The following TSTD2 variants were observed in gnomAD, a reference collection of about 807,000 sequenced individuals.
TSTD2 encodes the protein thiosulfate sulfurtransferase/rhodanese-like domain-containing protein 2.
In TSTD2, 37 loss-of-function variants were observed where a neutral mutation model predicts 47.9. The ratio of observed to expected loss-of-function variants is 0.77; its 90% CI spans 0.59 to 1.02. TSTD2 has a LOEUF of 1.02. Ranked by LOEUF, TSTD2 falls within the 50% of genes least tolerant of loss-of-function variation. The pLI, the probability that TSTD2 is intolerant of heterozygous loss-of-function variation, is 0.00. For missense variants in TSTD2, 586 were observed against 616.0 expected, an observed-to-expected ratio of 0.95 and a Z score of 0.52; for synonymous variants, 201 against 215.9, an observed-to-expected ratio of 0.93 and a Z score of 0.61.
chr9:97,610,464 A>C lies in TSTD2; in HGVS notation c.730-13T>G. On this transcript the variant is annotated splice_polypyrimidine_tract_variant and intron_variant, in intron 5 of 9. Transcript: ENST00000341170. The stretch of plus-strand genomic sequence containing the variant: ...CTCCTTTGCTGGTCTAGCCAATGAG[A>C]AACAAAACAGAATACAGTCTTGCTG... The C allele has an allele frequency of 6.5e-7, 1 of 1,535,330 alleles. No individual in the cohort carries two copies. The highest frequency in any genetic ancestry group is 8.8e-7 in the Non-Finnish European group (1 of 1,142,730).
intron 3 of TSTD2, among the ~76,000 whole-genome samples, chr9:97,623,637 TC>T (rs1826673959): frequency 6.6e-6 from 1 of 152,200 alleles, no homozygotes; most frequent in Non-Finnish European, 1.5e-5. Flanking sequence ...GGTGAGCAGA[TC>T]ACCTGAGGTC....
intron 4 of TSTD2, among the ~76,000 whole-genome samples, chr9:97,613,507 T>TAAA (rs1375229205): frequency 1.3e-5 from 2 of 152,094 alleles, no homozygotes; most frequent in East Asian, 3.9e-4. Context: ...GAGCCTGGGG[T>TAAA]AAAGCCCCAG....
Position 97,600,786 on chromosome 9 carries a change from TGTA to T in TSTD2, c.*1680_*1682del, listed in dbSNP as rs1390264299. The T allele has an allele frequency of 9.8e-7, 1 of 1,019,694 alleles. No homozygotes were observed. Among genetic ancestry groups the T allele is most frequent in the Non-Finnish European group, 1.2e-6 (1 of 849,924 alleles). 63.2% of individuals were successfully genotyped at this position (1,019,694 alleles called of 1,614,324 possible). On this transcript the variant is annotated 3_prime_UTR_variant, in exon 10 of 10. Coordinates refer to ENST00000341170, the MANE Select transcript of TSTD2 (RefSeq NM_139246.5). ...CCACCCCAAGATGATTACACTGAAATGTAGTATTAGTACTGCTGCCAGATCTCT... is the reference window on the plus strand; with the variant it reads ...CCACCCCAAGATGATTACACTGAAATGTATTAGTACTGCTGCCAGATCTCT...
rs1329883654 is a variant in TSTD2, at chr9:97,610,339, A to G, written c.835+7T>C. The stretch of plus-strand genomic sequence containing the variant: ...ATTAAAGCACAATCTTCTAAAAGCA[A>G]GCATACCAGGCTTCTTGTAGGAGAT... On this transcript the variant is annotated splice_region_variant and intron_variant, in intron 6 of 9. Transcript: ENST00000341170. 6.2e-7 allele frequency: 1 copy of G among 1,602,450 alleles called. No homozygotes were observed. Among genetic ancestry groups the G allele is most frequent in the Non-Finnish European group, 8.5e-7 (1 of 1,175,114 alleles).
At chr9:97,611,979 C>T (rs1022728198) in intron 4 of TSTD2, among the ~76,000 whole-genome samples, 1 of 152,018 alleles carries the variant, frequency 6.6e-6, no homozygotes, top group Admixed American at 6.5e-5. Flanking sequence ...AAGCTTAGTA[C>T]CCCTTAGTTA....
chr9:97,617,978 G>A, intron 3 of TSTD2, 101 bp from the exon 4 acceptor site: 1 of 1,453,878 alleles, frequency 6.9e-7, no homozygotes, highest in Non-Finnish European at 9.2e-7. Context: ...AGGCTAAGAT[G>A]AGGACACTCA....
Position 97,600,698 on chromosome 9 carries a change from G to A in TSTD2, c.*1771C>T, listed in dbSNP as rs772097561. On this transcript the variant is annotated 3_prime_UTR_variant, in exon 10 of 10. Coordinates refer to ENST00000341170, the MANE Select transcript of TSTD2 (RefSeq NM_139246.5). ...CCTTACGCCTGTATATTAAGCCTCC[G>A]CAGGATGCCGGACAATGGTGAAGAA... is the stretch of plus-strand genomic sequence containing the variant. The A allele has an allele frequency of 8.0e-5, 80 of 1,002,046 alleles. No homozygotes were observed. Among genetic ancestry groups the A allele is most frequent in the East Asian group, 2.2e-4 (2 of 9,178 alleles). The allele number at this position is 1,002,046 out of a possible 1,614,324, so 62.1% of individuals were successfully genotyped here.
intron 3 of TSTD2, among the ~76,000 whole-genome samples, chr9:97,621,710 T>C (rs1826639973): frequency 6.6e-6 from 1 of 152,194 alleles, no homozygotes; most frequent in African/African-American, 2.4e-5. Flanking sequence ...CGAATTCTAG[T>C]CAGACTGGTT....
chr9:97,611,835 A>G (rs762611569), intron 4 of TSTD2, 136 bp from the exon 5 acceptor site: 2 of 826,888 alleles, frequency 2.4e-6, no homozygotes, highest in South Asian at 2.1e-5. Context: ...CCAAAGTGTT[A>G]CTGGACAAAG....
Position 97,602,621 on chromosome 9 carries a change from C to A in TSTD2, c.1399G>T (p.Val467Phe). 1 of 1,614,242 alleles carries A rather than the reference C, an allele frequency of 6.2e-7. No homozygotes were observed. The highest frequency in any genetic ancestry group is 8.5e-7 in the Non-Finnish European group (1 of 1,180,042). The change falls in exon 10 of 10, where the codon GTT becomes TTT. Residue 467 changes from valine (V) to phenylalanine (F), a missense_variant. Coordinates refer to ENST00000341170, the MANE Select transcript of TSTD2 (RefSeq NM_139246.5). ...VTCQDKGSRK[V>F]SGPMQDSFKE... ...AAGCTGTCTTGCATAGGGCCTGAAA[C>A]TTTCCTGCTCCCCTTGTCTTGACAT...
chr9:97,605,576 G>A lies in TSTD2; in HGVS notation c.1020C>T (p.Asp340=). 6.2e-7 allele frequency: 1 copy of A among 1,614,216 alleles called. No homozygotes were observed. The highest frequency in any genetic ancestry group is 8.5e-7 in the Non-Finnish European group (1 of 1,180,038). Residue 340 remains aspartate (D), a synonymous_variant, in exon 8 of 10, where the codon GAC becomes GAT. Transcript: ENST00000341170. ...RKFSYFPSYV[D]KNLELFREKR... ...TCTCTCTGAAAAGTTCTAGATTTTT[G>A]TCAACGTAGCTAGGGAAGTAACTGA...
intron 4 of TSTD2, among the ~76,000 whole-genome samples, chr9:97,612,831 C>G (rs1187468797): frequency 6.6e-6 from 1 of 152,260 alleles, no homozygotes; most frequent in Non-Finnish European, 1.5e-5. Flanking sequence ...GCTGGGATTA[C>G]AGGCACAAGC....
chr9:97,611,548 T>C (rs1249240057), intron 5 of TSTD2, 26 bp downstream of exon 5: 5 of 1,577,112 alleles, frequency 3.2e-6, no homozygotes, highest in Non-Finnish European at 2.6e-6. Flanking sequence ...TGGCTCTAGA[T>C]CCATTTAATT....
intron 1 of TSTD2, among the ~76,000 whole-genome samples, chr9:97,629,343 C>G (rs1036376835): frequency 6.6e-6 from 1 of 152,172 alleles, no homozygotes; most frequent in African/African-American, 2.4e-5. Flanking sequence ...ACAGGCAATA[C>G]CAACTTTCTT....
intron 9 of TSTD2, among the ~76,000 whole-genome samples, chr9:97,603,355 T>A (rs1306364879): frequency 6.6e-6 from 1 of 152,212 alleles, no homozygotes; most frequent in Admixed American, 6.5e-5. Context: ...CACTTTTCCT[T>A]ACCTTGCTTA....
At chr9:97,620,237 T>A (rs1826610690) in intron 3 of TSTD2, among the ~76,000 whole-genome samples, 1 of 151,630 alleles carries the variant, frequency 6.6e-6, no homozygotes, top group Non-Finnish European at 1.5e-5. Context: ...AAACTGGGAG[T>A]TTTCCTGTAC....
At position 97,604,864 on chromosome 9, in the gene TSTD2, C is replaced by T. The variant is rs755382028; in HGVS notation, c.1115G>A (p.Gly372Glu). The T allele has an allele frequency of 1.2e-6, 2 of 1,613,008 alleles. No individual in the cohort carries two copies. Among genetic ancestry groups the T allele is most frequent in the African/African-American group, 1.3e-5 (1 of 74,940 alleles). Reference sequence around the variant, plus strand: ...GAGCTGGAACACCTCCTTGCACACTCCCTAGGTGTGGAAAAACAACAGGAA... The same window carrying T: ...GAGCTGGAACACCTCCTTGCACACTTCCTAGGTGTGGAAAAACAACAGGAA... ...ERGSAYLKAK[G>E]VCKEVFQLKG... is the part of the protein sequence containing the mutation. Residue 372 changes from glycine (G) to glutamate (E), a missense_variant and splice_region_variant, in exon 9 of 10, where the codon GGA (glycine) becomes GAA (glutamate). Gly to Glu is a moderately conservative substitution (Grantham distance 98). Coordinates refer to ENST00000341170, the MANE Select transcript of TSTD2 (RefSeq NM_139246.5).
chr9:97,603,778 C>A (rs1166414249), intron 9 of TSTD2, among the ~76,000 whole-genome samples: 1 of 152,164 alleles, frequency 6.6e-6, no homozygotes, highest in Admixed American at 6.5e-5. Flanking sequence ...AAACTCACTG[C>A]AACCTCAACC....
intron 3 of TSTD2, among the ~76,000 whole-genome samples, chr9:97,620,523 A>G (rs1020789352): frequency 1.3e-5 from 2 of 152,240 alleles, no homozygotes; most frequent in African/African-American, 4.8e-5. Context: ...AGGCTGGAAC[A>G]GTTTGGAGGG....
Sources: gnomAD v4.1 joint callset for allele counts (sites outside exome capture counted in the v4.1 genomes callset) on GRCh38, gnomAD v4.1.1 for gene constraint, MANE v1.5 for transcripts, NCBI Gene and HGNC (gene_info 2026-07-23, HGNC 2026-07-21) for gene names.